Variants in PEMT observed in about 807,000 individuals in gnomAD.
PEMT encodes the protein phospholipid methyltransferase.
Under a neutral mutation model 27.4 loss-of-function variants are expected in PEMT, and 23 were observed. The ratio of observed to expected loss-of-function variants is 0.84; its 90% CI spans 0.60 to 1.19. The LOEUF is 1.19. Among genes scored for constraint, PEMT ranks in the 50% most tolerant of loss-of-function variants. PEMT has a pLI of 0.00. For synonymous variants in PEMT, 137 were observed against 139.1 expected (o/e 0.98, Z 0.11); for missense variants, 307 against 310.1 (o/e 0.99, Z 0.07).
At chr17:17,551,828 G>A (rs1909674263) in intron 2 of PEMT, among the ~76,000 whole-genome samples, 1 of 152,232 alleles carries the variant, frequency 6.6e-6, no homozygotes, top group Non-Finnish European at 1.5e-5. Flanking sequence ...GTTGGATGGA[G>A]GAGGGCAGGG....
intron 1 of PEMT, among the ~76,000 whole-genome samples, chr17:17,583,166 C>CAGG (rs1912069704): frequency 6.6e-6 from 1 of 152,056 alleles, no homozygotes; most frequent in Non-Finnish European, 1.5e-5. Flanking sequence ...ACCTGATGGT[C>CAGG]AGGAGTTCGA....
chr17:17,569,558 G>A (rs1196911437), intron 2 of PEMT, among the ~76,000 whole-genome samples: 2 of 152,168 alleles, frequency 1.3e-5, no homozygotes, highest in Admixed American at 6.5e-5. Context: ...GGAAACCGGC[G>A]TGACCCCGTG....
At chr17:17,533,599 A>G (rs1908256537) in intron 2 of PEMT, among the ~76,000 whole-genome samples, 1 of 152,274 alleles carries the variant, frequency 6.6e-6, no homozygotes, top group Non-Finnish European at 1.5e-5. Context: ...GATTGTATCT[A>G]GAATACATAA....
At position 17,582,014 on chromosome 17, in the gene PEMT, T is replaced by C. The variant is rs529256074; in HGVS notation, c.97-4987A>G. Among the ~76,000 whole-genome samples, 1 of 152,156 alleles carries C rather than the reference T, an allele frequency of 6.6e-6. No homozygotes were observed. The highest frequency in any genetic ancestry group is 2.1e-4 in the South Asian group (1 of 4,806). On this transcript the variant is annotated intron_variant, in intron 1 of 6. Coordinates refer to ENST00000255389, the MANE Select transcript of PEMT (RefSeq NM_148172.3). The surrounding 1 kb of genome is among the most constrained non-coding windows in gnomAD (Gnocchi z 4.9). Reference sequence around the variant, plus strand: ...GGCAAAAAAGAACCAAAAATCCAGGTCAGACGTGAGCAGAGTAGGAGAGTC... The same window carrying C: ...GGCAAAAAAGAACCAAAAATCCAGGCCAGACGTGAGCAGAGTAGGAGAGTC...
At chr17:17,508,443 G>A (rs904961035) in intron 5 of PEMT, 9 of 207,064 alleles carry the variant, frequency 4.3e-5, no homozygotes, top group Admixed American at 1.8e-4. Context: ...CCGCTGCTAC[G>A]GTCCCAACTG....
In PEMT at chr17:17,512,711, G is replaced by A. The variant is rs1906513907; in HGVS notation, c.321-57C>T. 7.7e-6 allele frequency: 11 copies of A among 1,432,872 alleles called. No homozygotes were observed. The East Asian group carries it at 1.3e-4, about 17-fold the overall frequency. 88.8% of individuals were successfully genotyped at this position (1,432,872 alleles called of 1,614,324 possible). ...ATGGCCAGGGAGGATGTCACAGCCCGGGAGGAGGCCGACCTCATCTTCTCG... is the reference window on the plus strand; with the variant it reads ...ATGGCCAGGGAGGATGTCACAGCCCAGGAGGAGGCCGACCTCATCTTCTCG... On this transcript the variant is annotated intron_variant, in intron 3 of 6. Transcript: ENST00000255389. The surrounding 1 kb of genome is among the most constrained non-coding windows in gnomAD (Gnocchi z 6.3).
chr17:17,538,278 T>G (rs946456280), intron 2 of PEMT, among the ~76,000 whole-genome samples: 7 of 152,350 alleles, frequency 4.6e-5, no homozygotes, highest in Admixed American at 4.6e-4. Flanking sequence ...AAAGAGAGCC[T>G]CAGGCCAGGA....
chr17:17,547,325 TG>T (rs1002738769), intron 2 of PEMT, among the ~76,000 whole-genome samples: 2 of 152,244 alleles, frequency 1.3e-5, no homozygotes, highest in African/African-American at 4.8e-5. Flanking sequence ...TGCCAGGCCC[TG>T]GGGCACTAGG....
intron 2 of PEMT, among the ~76,000 whole-genome samples, chr17:17,572,587 CT>C (rs1422237783): frequency 6.6e-6 from 1 of 152,238 alleles, no homozygotes; most frequent in East Asian, 1.9e-4. Context: ...TCAGAGAGGC[CT>C]TCCCTGACCA....
intron 3 of PEMT, among the ~76,000 whole-genome samples, chr17:17,516,843 C>G (rs967612223): frequency 2.0e-5 from 3 of 152,156 alleles, no homozygotes; most frequent in South Asian, 2.1e-4. Context: ...AGTGTCCCCC[C>G]ACCCCTTACT....
At chr17:17,562,013 C>T (rs1910514039) in intron 2 of PEMT, among the ~76,000 whole-genome samples, 2 of 152,228 alleles carry the variant, frequency 1.3e-5, no homozygotes, top group Admixed American at 6.5e-5. Context: ...CCACGAGAGG[C>T]GCTTGGAGGG....
At chr17:17,557,243 G>A (rs1007107697) in intron 2 of PEMT, among the ~76,000 whole-genome samples, 5 of 152,156 alleles carry the variant, frequency 3.3e-5, no homozygotes, top group African/African-American at 4.8e-5. Flanking sequence ...TCCCCAGCCT[G>A]ACCCTCACGC....
At chr17:17,585,404 G>A (rs1172257487) in intron 1 of PEMT, among the ~76,000 whole-genome samples, 1 of 152,144 alleles carries the variant, frequency 6.6e-6, no homozygotes, top group African/African-American at 2.4e-5. Flanking sequence ...AGAACTAAAG[G>A]GTGGAAAAGA....
intron 2 of PEMT, among the ~76,000 whole-genome samples, chr17:17,525,448 G>A (rs1474988063): frequency 2.0e-5 from 3 of 152,202 alleles, no homozygotes; most frequent in African/African-American, 7.2e-5. Flanking sequence ...TCCTCACTGG[G>A]AGCCCAGCTG....
chr17:17,591,932 G>A (rs1186537561), upstream of PEMT: 1 of 985,426 alleles, frequency 1.0e-6, no homozygotes, highest in East Asian at 1.1e-4. Context: ...CAGTGCCTTT[G>A]GTCGCCGGCT....
intron 4 of PEMT, among the ~76,000 whole-genome samples, chr17:17,511,370 G>T (rs1291673829): frequency 2.0e-5 from 3 of 152,228 alleles, no homozygotes; most frequent in Non-Finnish European, 4.4e-5. Flanking sequence ...TCCCAGAGAG[G>T]CCTGGCCATG....
chr17:17,509,779 C>T (rs1232101034), intron 4 of PEMT, among the ~76,000 whole-genome samples: 3 of 152,196 alleles, frequency 2.0e-5, no homozygotes, highest in Non-Finnish European at 4.4e-5. Context: ...CCCTGCCCCA[C>T]TGCTCCTCTT....
chr17:17,565,204 C>T (rs1910752473), intron 2 of PEMT: 1 of 152,524 alleles, frequency 6.6e-6, no homozygotes, highest in Admixed American at 6.5e-5. Flanking sequence ...CTGCTCTGCC[C>T]CCATTTCAGC....
intron 1 of PEMT, among the ~76,000 whole-genome samples, chr17:17,590,546 C>T (rs1912538340): frequency 6.6e-6 from 1 of 152,244 alleles, no homozygotes. Context: ...AATCTCCCTC[C>T]CTAGAATGAA....
Sources: allele counts gnomAD v4.1 joint callset (sites outside exome capture counted in the v4.1 genomes callset), GRCh38; gene constraint gnomAD v4.1.1; non-coding constraint Gnocchi (gnomAD v3.1); transcripts MANE v1.5; gene names NCBI Gene and HGNC (gene_info 2026-07-23, HGNC 2026-07-21).